The following CISD2 variants were observed in gnomAD, a reference collection of about 807,000 sequenced individuals.
CISD2 encodes CDGSH iron-sulfur domain-containing protein 2.
Under a neutral mutation model 12.9 loss-of-function variants are expected in CISD2, and 1 was observed. The observed-to-expected ratio is 0.08, with a 90% CI of 0.03 to 0.37. The LOEUF (loss-of-function observed/expected upper bound fraction) is 0.37, where lower values mean the gene tolerates loss of function less well. Ranked by LOEUF, CISD2 falls within the 10% of genes least tolerant of loss-of-function variation. The probability of loss-of-function intolerance (pLI) is 0.99; values close to 1 mark genes in which losing one functional copy is unlikely to be tolerated. For missense variants in CISD2, 97 were observed against 163.1 expected (o/e 0.59, Z 2.21); for synonymous variants, 50 against 60.6 (o/e 0.83, Z 0.81).
intron 1 of CISD2, among the ~76,000 whole-genome samples, chr4:102,880,910 G>A (rs1029808157): frequency 2.0e-5 from 3 of 150,818 alleles, no homozygotes; most frequent in African/African-American, 4.9e-5. Flanking sequence ...CACGAGAATC[G>A]CTTGAACCCG....
In CISD2 at chr4:102,869,178, A is replaced by G. The variant is rs752659038; in HGVS notation, c.94A>G (p.Arg32Gly). 2.9e-5 allele frequency: 47 copies of G among 1,607,370 alleles called. No homozygotes were observed. The highest frequency in any genetic ancestry group is 1.7e-6 in the Non-Finnish European group (2 of 1,177,214). Residue 32 changes from arginine (R) to glycine (G), a missense_variant, in exon 1 of 3, where the codon AGG becomes GGG. Around this residue, in one of 2 missense-constraint regions of CISD2, gnomAD observed 89 missense variants for 114.4 expected, o/e 0.78. Coordinates refer to ENST00000273986, the MANE Select transcript of CISD2 (RefSeq NM_001008388.5). ...CCCTGAAAGCATTACCGGGTTCGCT[A>G]GGCTCACAGGTAATCCTCCCCCATC... ...PVPESITGFARLTVSEWLRLL... is the reference protein window; with the variant it reads ...PVPESITGFAGLTVSEWLRLL...
At position 102,885,200 on chromosome 4, in the gene CISD2, A is replaced by C. The variant is rs1350434998; in HGVS notation, c.104-16A>C. The C allele has an allele frequency of 6.2e-7, 1 of 1,601,286 alleles. No homozygotes were observed. The highest frequency in any genetic ancestry group is 1.1e-5 in the South Asian group (1 of 90,766). ...TTCCAAGAGCACTGCAGATTCTGAC[A>C]CATCTACATGTTTAGTTTCAGAATG... On this transcript the variant is annotated splice_polypyrimidine_tract_variant and intron_variant, in intron 1 of 2. Coordinates refer to ENST00000273986, the MANE Select transcript of CISD2 (RefSeq NM_001008388.5).
At chr4:102,876,375 A>T (rs1463529572) in intron 1 of CISD2, among the ~76,000 whole-genome samples, 1 of 152,212 alleles carries the variant, frequency 6.6e-6, no homozygotes, top group Non-Finnish European at 1.5e-5. Flanking sequence ...AGATATAAAT[A>T]AGACAGCTAC....
chr4:102,880,025 C>G (rs114738323), intron 1 of CISD2, among the ~76,000 whole-genome samples: 14 of 151,972 alleles, frequency 9.2e-5, no homozygotes. Flanking sequence ...TCACTGCCAC[C>G]TCCACTTCCG....
At chr4:102,884,005 A>G (rs1321665007) in intron 1 of CISD2, among the ~76,000 whole-genome samples, 1 of 152,260 alleles carries the variant, frequency 6.6e-6, no homozygotes, top group Non-Finnish European at 1.5e-5. Context: ...GTTATATCAA[A>G]AATAATTCCA....
chr4:102,874,053 G>A (rs1002642898), intron 1 of CISD2, among the ~76,000 whole-genome samples: 2 of 151,084 alleles, frequency 1.3e-5, no homozygotes, highest in Non-Finnish European at 2.9e-5. Flanking sequence ...TTGAACCCAG[G>A]AGGCAGAGGT....
rs1402945990 is a variant in CISD2 at position 102,874,628 on chromosome 4, AACC to A, written c.103+5443_103+5445del. On this transcript the variant is annotated intron_variant, in intron 1 of 2. Coordinates refer to ENST00000273986, the MANE Select transcript of CISD2 (RefSeq NM_001008388.5). ...TCCCTCAGATCCTCCAGAAAGAATCAACCATGCTGACACCTTGATTTTGGACTT... is the reference window on the plus strand; with the variant it reads ...TCCCTCAGATCCTCCAGAAAGAATCAATGCTGACACCTTGATTTTGGACTT... The A allele has an allele frequency of 2.6e-5, 4 of 152,230 alleles. No homozygotes were observed. In the East Asian group the frequency reaches 5.8e-4, roughly 22 times the overall value. 9.4% of individuals were successfully genotyped at this position (152,230 alleles called of 1,614,324 possible).
intron 1 of CISD2, chr4:102,869,432 A>C: frequency 1.4e-6 from 1 of 706,866 alleles, no homozygotes; most frequent in Non-Finnish European, 2.6e-6. Context: ...TTCCGTGGCA[A>C]GATACCAGGT....
At chr4:102,879,727 A>G (rs1733671865) in intron 1 of CISD2, among the ~76,000 whole-genome samples, 1 of 152,082 alleles carries the variant, frequency 6.6e-6, no homozygotes, top group South Asian at 2.1e-4. Context: ...AGCCAAGATC[A>G]TGCCACTGCA....
chr4:102,880,382 G>T (rs1733686823), intron 1 of CISD2, among the ~76,000 whole-genome samples: 1 of 152,042 alleles, frequency 6.6e-6, no homozygotes. Flanking sequence ...ATGCAATATA[G>T]CCTTATTTTT....
intron 2 of CISD2, 51 bp from the exon 3 acceptor site, chr4:102,887,290 C>T: frequency 9.4e-7 from 1 of 1,067,588 alleles, no homozygotes. Context: ...ATGTTTCTAC[C>T]TAATGAATCA....
Position 102,869,051 on chromosome 4 carries a change from G to A in CISD2, c.-34G>A, listed in dbSNP as rs770429715. 1.3e-6 allele frequency: 2 copies of A among 1,587,648 alleles called. No homozygotes were observed. Among genetic ancestry groups the A allele is most frequent in the Non-Finnish European group, 1.7e-6 (2 of 1,168,286 alleles). Reference sequence around the variant, plus strand: ...CGCGGCAGCTTGGCCAGAGCGGAGGGGGCTCGGGAGAGGAGTGGACGCCGC... The same window carrying A: ...CGCGGCAGCTTGGCCAGAGCGGAGGAGGCTCGGGAGAGGAGTGGACGCCGC... On this transcript the variant is annotated 5_prime_UTR_variant, in exon 1 of 3. Transcript: ENST00000273986.
Position 102,869,164 on chromosome 4 carries a change from T to C in CISD2, c.80T>C (p.Ile27Thr). The C allele has an allele frequency of 6.2e-7, 1 of 1,611,476 alleles. No individual in the cohort carries two copies. The highest frequency in any genetic ancestry group is 8.5e-7 in the Non-Finnish European group (1 of 1,179,006). The change falls in exon 1 of 3, where the codon ATT becomes ACT. Residue 27 changes from isoleucine to threonine, a missense_variant. Physicochemically the swap from Ile to Thr is moderately conservative, Grantham distance 89. Transcript: ENST00000273986. ...YLKRLPVPESITGFARLTVSE... is the reference protein window; with the variant it reads ...YLKRLPVPESTTGFARLTVSE... ...AAGCGGCTCCCAGTCCCTGAAAGCATTACCGGGTTCGCTAGGCTCACAGGT... is the reference window on the plus strand; with the variant it reads ...AAGCGGCTCCCAGTCCCTGAAAGCACTACCGGGTTCGCTAGGCTCACAGGT...
In CISD2 at chr4:102,887,026, GA is replaced by G. The variant is rs559952981; in HGVS notation, c.319-314del. The stretch of plus-strand genomic sequence containing the variant: ...ATTGTTTTAAAATTAAGCAATAGGT[GA>G]GCTCGAATTTTAAGCTCCACAAATG... On this transcript the variant is annotated intron_variant, in intron 2 of 2. Coordinates refer to ENST00000273986, the MANE Select transcript of CISD2 (RefSeq NM_001008388.5). 7.1e-4 allele frequency among the ~76,000 whole-genome samples: 108 copies of G among 152,286 alleles called. 2 individuals carry two copies. The highest frequency in any genetic ancestry group is 2.5e-3 in the African/African-American group (105 of 41,554).
chr4:102,873,475 A>G (rs1733514584), intron 1 of CISD2, among the ~76,000 whole-genome samples: 1 of 151,590 alleles, frequency 6.6e-6, no homozygotes, highest in South Asian at 2.1e-4. Flanking sequence ...GGGTTTTGCC[A>G]TGTTGCCCAG....
chr4:102,878,019 C>T (rs1408844840), intron 1 of CISD2, among the ~76,000 whole-genome samples: 2 of 152,176 alleles, frequency 1.3e-5, no homozygotes, highest in Admixed American at 1.3e-4. Flanking sequence ...TCTGACATGT[C>T]CTGGAGACAT....
Position 102,892,518 on chromosome 4 carries a change from G to A in CISD2, c.*5088G>A, listed in dbSNP as rs1170549721. 1 of 152,180 alleles carries A rather than the reference G, an allele frequency of 6.6e-6. No homozygotes were observed. Among genetic ancestry groups the A allele is most frequent in the Non-Finnish European group, 1.5e-5 (1 of 68,026 alleles). 9.4% of individuals were successfully genotyped at this position (152,180 alleles called of 1,614,324 possible). A position where few individuals can be genotyped will look rare whatever the true frequency, so the allele number is the denominator to read the frequency against. On this transcript the variant is annotated 3_prime_UTR_variant, in exon 3 of 3. Coordinates refer to ENST00000273986, the MANE Select transcript of CISD2 (RefSeq NM_001008388.5). ...TTGAAAATCTGTTCAGAAAGACTATGTTTTTCAACCAGAGATGACATCACT... is the reference window on the plus strand; with the variant it reads ...TTGAAAATCTGTTCAGAAAGACTATATTTTTCAACCAGAGATGACATCACT...
chr4:102,886,862 A>G (rs992928412), intron 2 of CISD2, among the ~76,000 whole-genome samples: 4 of 152,196 alleles, frequency 2.6e-5, no homozygotes, highest in Non-Finnish European at 4.4e-5. Flanking sequence ...TGATTTGTCT[A>G]CCTCTGCCTC....
Position 102,889,122 on chromosome 4 carries a change from CCAG to C in CISD2, c.*1698_*1700del, listed in dbSNP as rs1303649958. On this transcript the variant is annotated 3_prime_UTR_variant, in exon 3 of 3. Coordinates refer to ENST00000273986, the MANE Select transcript of CISD2 (RefSeq NM_001008388.5). Reference sequence around the variant, plus strand: ...TTATATGATCGTAACATCTTCATGACCAGCAGCATGTATTTTAGAGTTAGAAAT... The same window carrying C: ...TTATATGATCGTAACATCTTCATGACCAGCATGTATTTTAGAGTTAGAAAT... 2 of 152,076 alleles carry C rather than the reference CCAG, an allele frequency of 1.3e-5. No individual in the cohort carries two copies. Among genetic ancestry groups the C allele is most frequent in the Non-Finnish European group, 2.9e-5 (2 of 68,038 alleles). The allele number at this position is 152,076 out of a possible 1,614,324, so 9.4% of individuals were successfully genotyped here.
Sources: gnomAD v4.1 joint callset for allele counts (sites outside exome capture counted in the v4.1 genomes callset) on GRCh38, gnomAD v4.1.1 for gene constraint, gnomAD v4.1.1 regional missense constraint, MANE v1.5 for transcripts, NCBI Gene and HGNC (gene_info 2026-07-23, HGNC 2026-07-21) for gene names.